Variants in SLC4A10 observed in about 807,000 individuals in gnomAD.
The protein encoded by SLC4A10 is solute carrier family 4 member 10.
SLC4A10 carries 42 observed loss-of-function variants against 137.7 expected under a neutral mutation model. That is an observed-to-expected ratio of 0.30 (90% confidence interval 0.24 to 0.39). SLC4A10 has a LOEUF of 0.39. SLC4A10 is among the 10% of genes least tolerant of loss of function. The pLI, the probability that SLC4A10 is intolerant of heterozygous loss-of-function variation, is 1.00. For missense variants in SLC4A10, 925 were observed against 1,355.0 expected (o/e 0.68, Z 4.98); for synonymous variants, 474 against 464.1 (o/e 1.02, Z -0.27).
In SLC4A10 at chr2:161,743,427, G is replaced by C. The variant is rs186334573; in HGVS notation, c.49-27546G>C. The stretch of plus-strand genomic sequence containing the variant: ...CACCATTATCAAAAATGAGTTCACT[G>C]TAGATGTATGGATTTATGTTTGGGT... On this transcript the variant is annotated intron_variant, in intron 1 of 26. Transcript: ENST00000446997. Among the ~76,000 whole-genome samples, 13 of 152,272 alleles carry C rather than the reference G, an allele frequency of 8.5e-5. No homozygotes were observed. In the East Asian group the frequency reaches 2.3e-3, roughly 27 times the overall value.
intron 1 of SLC4A10, among the ~76,000 whole-genome samples, chr2:161,668,170 T>G (rs979106567): frequency 6.6e-6 from 1 of 151,788 alleles, no homozygotes; most frequent in Non-Finnish European, 1.5e-5. Context: ...TGTCAGATTG[T>G]CATGAGTCCT....
intron 1 of SLC4A10, among the ~76,000 whole-genome samples, chr2:161,708,025 TA>T (rs1250367780): frequency 3.3e-5 from 5 of 151,212 alleles, no homozygotes; most frequent in Admixed American, 6.6e-5. Flanking sequence ...TTTTGCATGT[TA>T]AACTTTTTAG....
intron 1 of SLC4A10, among the ~76,000 whole-genome samples, chr2:161,702,142 A>G (rs554740633): frequency 6.6e-6 from 1 of 152,092 alleles, no homozygotes; most frequent in East Asian, 1.9e-4. Context: ...AGGATATGGA[A>G]TCAACCTAAG....
chr2:161,698,540 C>T (rs1307021889), intron 1 of SLC4A10, among the ~76,000 whole-genome samples: 1 of 152,106 alleles, frequency 6.6e-6, no homozygotes. Context: ...TTGTCAAAGG[C>T]CTTTTCTGCA....
At chr2:161,772,330 A>G (rs1006800143) in intron 2 of SLC4A10, among the ~76,000 whole-genome samples, 1 of 151,916 alleles carries the variant, frequency 6.6e-6, no homozygotes, top group Non-Finnish European at 1.5e-5. Flanking sequence ...AGCTATCCTT[A>G]TATTTACTAA....
At chr2:161,962,787 A>C (rs981774184) in intron 21 of SLC4A10, among the ~76,000 whole-genome samples, 1 of 152,176 alleles carries the variant, frequency 6.6e-6, no homozygotes, top group Non-Finnish European at 1.5e-5. Flanking sequence ...AGATAGGTTT[A>C]TGTTGAGTTT....
intron 2 of SLC4A10, among the ~76,000 whole-genome samples, chr2:161,775,314 A>C (rs906668891): frequency 9.9e-5 from 15 of 151,842 alleles, no homozygotes; most frequent in African/African-American, 3.4e-4. Flanking sequence ...TCTCCCAATT[A>C]CTATCAAAAA....
At chr2:161,670,644 A>T (rs1235907568) in intron 1 of SLC4A10, among the ~76,000 whole-genome samples, 3 of 152,074 alleles carry the variant, frequency 2.0e-5, no homozygotes, top group African/African-American at 7.2e-5. Flanking sequence ...ACAAGGTATT[A>T]TTAGGTCATG....
intron 1 of SLC4A10, among the ~76,000 whole-genome samples, chr2:161,698,973 C>T (rs967041064): frequency 1.8e-4 from 27 of 151,982 alleles, no homozygotes; most frequent in African/African-American, 6.0e-4. Flanking sequence ...TTAATTATTG[C>T]CTCAATTTCA....
At chr2:161,975,657 C>T (rs1699267734) in intron 24 of SLC4A10, among the ~76,000 whole-genome samples, 2 of 152,080 alleles carry the variant, frequency 1.3e-5, no homozygotes, top group Non-Finnish European at 2.9e-5. Flanking sequence ...GAGGGAGACC[C>T]AAGGTTTTGT....
chr2:161,806,691 G>A (rs1575058262), intron 3 of SLC4A10, among the ~76,000 whole-genome samples: 1 of 152,006 alleles, frequency 6.6e-6, no homozygotes, highest in Admixed American at 6.6e-5. Flanking sequence ...ACCTGAGATT[G>A]CCTGGACCTT....
In SLC4A10 at chr2:161,974,284, C is replaced by T; in HGVS notation, c.3195C>T (p.Gly1065=). The T allele has an allele frequency of 6.2e-7, 1 of 1,608,460 alleles. No homozygotes were observed. Residue 1065 remains glycine, a synonymous_variant, in exon 24 of 27, where the codon GGC becomes GGT. Coordinates refer to ENST00000446997, the MANE Select transcript of SLC4A10 (RefSeq NM_001178015.2). ...GTATGCTAGCTATGGAAGATGAGGG[C>T]ACAGTACAACTCCCATTGGAAGGGC... ...EQSMLAMEDE[G]TVQLPLEGHY...
intron 2 of SLC4A10, among the ~76,000 whole-genome samples, chr2:161,779,342 C>T (rs1559231066): frequency 6.6e-6 from 1 of 151,948 alleles, no homozygotes; most frequent in Non-Finnish European, 1.5e-5. Flanking sequence ...CAAATTTTAA[C>T]ATGAGTTTTG....
intron 1 of SLC4A10, among the ~76,000 whole-genome samples, chr2:161,692,425 G>T (rs2042092565): frequency 6.6e-6 from 1 of 152,010 alleles, no homozygotes; most frequent in Non-Finnish European, 1.5e-5. Flanking sequence ...ATAGAATGTT[G>T]TTATGGTGAG....
At chr2:161,698,760 AAAATTCTCTTTTTTTGTT>A in intron 1 of SLC4A10, among the ~76,000 whole-genome samples, 1 of 152,144 alleles carries the variant, frequency 6.6e-6, no homozygotes, top group East Asian at 1.9e-4. Flanking sequence ...ATATTGGTGT[AAAATTCTCTTTTTTTGTT>A]GTGTCTCTGC....
At chr2:161,951,345 A>G (rs773710620) in intron 19 of SLC4A10, among the ~76,000 whole-genome samples, 3 of 152,194 alleles carry the variant, frequency 2.0e-5, no homozygotes, top group Non-Finnish European at 2.9e-5. Flanking sequence ...TAGAAGTGAC[A>G]TCTTTGAGTT....
intron 16 of SLC4A10, among the ~76,000 whole-genome samples, chr2:161,944,489 T>C (rs1205257057): frequency 6.6e-6 from 1 of 151,870 alleles, no homozygotes. Context: ...AGCACAGTTA[T>C]CAGGCTAGCT....
intron 15 of SLC4A10, among the ~76,000 whole-genome samples, chr2:161,941,803 A>G (rs1326884946): frequency 6.6e-6 from 1 of 152,124 alleles, no homozygotes; most frequent in African/African-American, 2.4e-5. Flanking sequence ...GGGGTGTTAC[A>G]GGGTGTGGCT....
intron 1 of SLC4A10, among the ~76,000 whole-genome samples, chr2:161,759,441 A>G (rs1463188236): frequency 1.3e-5 from 2 of 152,030 alleles, no homozygotes; most frequent in East Asian, 3.9e-4. Flanking sequence ...TATTCATCTT[A>G]TAACTGAAAG....
Sources: allele counts gnomAD v4.1 joint callset (sites outside exome capture counted in the v4.1 genomes callset), GRCh38; gene constraint gnomAD v4.1.1; transcripts MANE v1.5; gene names NCBI Gene and HGNC (gene_info 2026-07-23, HGNC 2026-07-21).